Variants in KRTAP4-6 observed in about 807,000 individuals in gnomAD.
KRTAP4-6 encodes keratin-associated protein 4-6.
A neutral mutation model predicts 3.6 loss-of-function variants in KRTAP4-6; 1 was observed. The ratio of observed to expected loss-of-function variants is 0.28; its 90% CI spans 0.10 to 1.32. The LOEUF (loss-of-function observed/expected upper bound fraction) is 1.32. Ranked by LOEUF, KRTAP4-6 falls within the 40% of genes most tolerant of loss-of-function variation. The pLI, the probability that KRTAP4-6 is intolerant of heterozygous loss-of-function variation, is 0.45. For missense variants in KRTAP4-6, 275 were observed against 280.3 expected (o/e 0.98, Z 0.14); for synonymous variants, 97 against 96.7 (o/e 1.00, Z -0.02).
exon 1 of KRTAP4-6, chr17:41,139,492 C>T (rs1486311620): frequency 2.3e-5 from 6 of 259,050 alleles, no homozygotes; most frequent in Admixed American, 4.8e-5. Flanking sequence ...GATACAGAAA[C>T]ATTGCTGTAA....
exon 1 of KRTAP4-6, chr17:41,139,754 A>T: frequency 7.2e-7 from 1 of 1,396,560 alleles, no homozygotes; most frequent in Non-Finnish European, 9.6e-7. Context: ...ATATATGTCC[A>T]GGATATGGAA....
exon 1 of KRTAP4-6, chr17:41,139,582 T>G (rs2014661200): frequency 2.0e-6 from 1 of 498,142 alleles, no homozygotes; most frequent in Non-Finnish European, 3.4e-6. Flanking sequence ...TGCAAGAATT[T>G]CCATGTTTGG....
exon 1 of KRTAP4-6, chr17:41,140,140 G>C: frequency 6.9e-7 from 1 of 1,449,944 alleles, no homozygotes; most frequent in Non-Finnish European, 9.3e-7. Flanking sequence ...AGCAGCTGGG[G>C]CGACAGCAGC....
chr17:41,140,450 T>C (rs947014107), exon 1 of KRTAP4-6: 3 of 1,613,832 alleles, frequency 1.9e-6, no homozygotes, highest in Non-Finnish European at 2.5e-6. Flanking sequence ...GCCACAGCCC[T>C]GGTCAGAGCA....
exon 1 of KRTAP4-6, chr17:41,139,515 G>C: frequency 3.0e-6 from 1 of 337,730 alleles, no homozygotes; most frequent in African/African-American, 2.1e-5. Context: ...GGAAATACAG[G>C]GTGAAACAAT....
At chr17:41,139,588 T>G in exon 1 of KRTAP4-6, 7 of 512,492 alleles carry the variant, frequency 1.4e-5, no homozygotes, top group East Asian at 3.4e-5. Flanking sequence ...AATTTCCATG[T>G]TTGGGACAGA....
exon 1 of KRTAP4-6, chr17:41,140,173 G>C: frequency 2.0e-6 from 3 of 1,482,460 alleles, no homozygotes; most frequent in Non-Finnish European, 1.8e-6. Flanking sequence ...AGCTGGGACG[G>C]CAGCAAGTGG....
At chr17:41,139,596 A>G (rs555817853) in exon 1 of KRTAP4-6, 8 of 548,770 alleles carry the variant, frequency 1.5e-5, no homozygotes, top group African/African-American at 1.3e-4. Flanking sequence ...TGTTTGGGAC[A>G]GAAGAACTTG....
exon 1 of KRTAP4-6, chr17:41,139,699 T>C: frequency 9.9e-7 from 1 of 1,008,144 alleles, no homozygotes; most frequent in Non-Finnish European, 1.4e-6. Flanking sequence ...TGGGTCAACA[T>C]GGGGAACATA....
At chr17:41,140,288 G>A (rs748116984) in exon 1 of KRTAP4-6, 1 of 1,544,296 alleles carries the variant, frequency 6.5e-7, no homozygotes, top group Admixed American at 1.9e-5. Context: ...ACAGCAGCTG[G>A]GACAGCAGCT....
exon 1 of KRTAP4-6, chr17:41,139,530 C>A (rs951755177): frequency 2.7e-6 from 1 of 371,596 alleles, no homozygotes; most frequent in Non-Finnish European, 4.8e-6. Flanking sequence ...AACAATCAGA[C>A]TTTCAAATCT....
exon 1 of KRTAP4-6, chr17:41,140,050 G>C: frequency 3.1e-6 from 5 of 1,612,912 alleles, no homozygotes; most frequent in Non-Finnish European, 4.2e-6. Flanking sequence ...AGCAGCTGGA[G>C]ATGCAGCAGC....
chr17:41,140,307 A>G, exon 1 of KRTAP4-6: 3 of 1,604,474 alleles, frequency 1.9e-6, no homozygotes, highest in African/African-American at 1.4e-5. Context: ...CTGGGACGGC[A>G]GCAGGTGGGC....
At chr17:41,140,024 C>T (rs747068849) in exon 1 of KRTAP4-6, 9 of 1,604,920 alleles carry the variant, frequency 5.6e-6, no homozygotes, top group Non-Finnish European at 7.7e-6. Context: ...GCTGGATTCA[C>T]AGCAAGAGGG....
rs775644992 is a variant in KRTAP4-6, at chr17:41,140,379, G to A, written c.109C>T (p.Arg37Cys). ...CAGCTGGACACACAGCAGCTGGGGC[G>A]GCAGCAGGTGGTCCTGCAGCAGGTG... The change falls in exon 1 of 1, where the codon CGC becomes TGC. Residue 37 changes from arginine to cysteine, a missense_variant. By Grantham distance (180) the Arg-to-Cys change is radical. Coordinates refer to ENST00000345847, the Ensembl canonical transcript of KRTAP4-6. 89 of 1,613,806 alleles carry A rather than the reference G, an allele frequency of 5.5e-5. No individual in the cohort carries two copies. Among genetic ancestry groups the A allele is most frequent in the Admixed American group, 1.0e-4 (6 of 59,974 alleles).
chr17:41,139,592 G>T (rs1051576530), exon 1 of KRTAP4-6: 1 of 538,210 alleles, frequency 1.9e-6, no homozygotes, highest in Non-Finnish European at 3.2e-6. Flanking sequence ...TCCATGTTTG[G>T]GACAGAAGAA....
chr17:41,140,043 A>T (rs769169837), exon 1 of KRTAP4-6: 2 of 1,612,966 alleles, frequency 1.2e-6, no homozygotes, highest in African/African-American at 2.7e-5. Flanking sequence ...GGGCGGCAGC[A>T]GCTGGAGATG....
exon 1 of KRTAP4-6, chr17:41,140,031 A>G: frequency 1.9e-6 from 3 of 1,604,520 alleles, no homozygotes; most frequent in Non-Finnish European, 2.6e-6. Flanking sequence ...TCACAGCAAG[A>G]GGGGCGGCAG....
At chr17:41,139,732 C>T (rs1194283064) in exon 1 of KRTAP4-6, 5 of 1,236,284 alleles carry the variant, frequency 4.0e-6, no homozygotes, top group African/African-American at 1.5e-5. Flanking sequence ...ATAGCCAGGA[C>T]ATATATCCTA....
Sources: allele counts gnomAD v4.1 joint callset, GRCh38; gene constraint gnomAD v4.1.1; transcripts MANE v1.5; gene names NCBI Gene and HGNC (gene_info 2026-07-23, HGNC 2026-07-21).